The following NYNRIN variants were observed in gnomAD, a reference collection of about 807,000 sequenced individuals.
NYNRIN encodes the protein NYN domain and retroviral integrase containing.
Under a neutral mutation model 146.6 loss-of-function variants are expected in NYNRIN, and 86 were observed. The ratio of observed to expected loss-of-function variants is 0.59; its 90% CI spans 0.49 to 0.70. NYNRIN has a LOEUF of 0.70. Ranked by LOEUF, NYNRIN falls within the 30% of genes least tolerant of loss-of-function variation. The pLI, the probability that NYNRIN is intolerant of heterozygous loss-of-function variation, is 0.00. For missense variants in NYNRIN, 2,191 were observed against 2,377.7 expected, an observed-to-expected ratio of 0.92 and a Z score of 1.63; for synonymous variants, 1,027 against 1,001.3, an observed-to-expected ratio of 1.03 and a Z score of -0.48.
In NYNRIN at chr14:24,415,290, G is replaced by C; in HGVS notation, c.3541G>C (p.Gly1181Arg). The change falls in exon 9 of 9, where the codon GGG (glycine) becomes CGG (arginine). Residue 1181 changes from glycine (G) to arginine (R), a missense_variant. Gly to Arg is a moderately radical substitution (Grantham distance 125). This residue lies in a region of NYNRIN where 1,291 missense variants were observed against 1,417.0 expected (regional missense o/e 0.91). Transcript: ENST00000382554. ...LTAILHQEHS[G>R]RKHPIAYTSK... ...GGCCATCCTCCATCAGGAGCACTCAGGGAGGAAGCACCCCATAGCCTATAC... is the reference window on the plus strand; with the variant it reads ...GGCCATCCTCCATCAGGAGCACTCACGGAGGAAGCACCCCATAGCCTATAC... The C allele has an allele frequency of 6.2e-7, 1 of 1,613,934 alleles. No homozygotes were observed. Among genetic ancestry groups the C allele is most frequent in the Non-Finnish European group, 8.5e-7 (1 of 1,179,860 alleles).
At position 24,409,614 on chromosome 14, in the gene NYNRIN, T is replaced by A; in HGVS notation, c.1820T>A (p.Val607Asp). The A allele has an allele frequency of 6.2e-7, 1 of 1,608,670 alleles. No individual in the cohort carries two copies. Among genetic ancestry groups the A allele is most frequent in the Non-Finnish European group, 8.5e-7 (1 of 1,177,528 alleles). ...AQLMATAQKT[V>D]VNQPVLVAQV... ...CTGATGGCCACAGCTCAAAAAACAG[T>A]TGTGAATCAACCAGTGTTGGTAGCT... Residue 607 changes from valine to aspartate, a missense_variant, in exon 4 of 9, where the codon GTT (valine) becomes GAT (aspartate). Physicochemically the swap from Val to Asp is radical, Grantham distance 152 (BLOSUM62 -3). Transcript: ENST00000382554.
In NYNRIN at chr14:24,415,908, G is replaced by A. The variant is rs755209903; in HGVS notation, c.4159G>A (p.Glu1387Lys). The A allele has an allele frequency of 6.2e-7, 1 of 1,613,934 alleles. No homozygotes were observed. The highest frequency in any genetic ancestry group is 8.5e-7 in the Non-Finnish European group (1 of 1,179,886). The part of the protein sequence containing the change: ...HCNWIFSLLW[E>K]LLPLWRARGF... ...CAACTGGATCTTCAGCCTCCTGTGG[G>A]AGCTCCTGCCCCTCTGGAGGGCTCG... The change falls in exon 9 of 9, where the codon GAG becomes AAG. Residue 1387 changes from glutamate to lysine, a missense_variant. Coordinates refer to ENST00000382554, the MANE Select transcript of NYNRIN (RefSeq NM_025081.3).
In NYNRIN at chr14:24,409,502, C is replaced by T; in HGVS notation, c.1708C>T (p.Leu570=). 6.2e-7 allele frequency: 1 copy of T among 1,613,718 alleles called. No homozygotes were observed. Among genetic ancestry groups the T allele is most frequent in the African/African-American group, 1.3e-5 (1 of 75,064 alleles). ...RTQVPSAAPK[L]PTSRMMLAVH... Reference sequence around the variant, plus strand: ...TCAAGTGCCATCTGCAGCTCCCAAACTGCCTACATCTCGAATGATGCTGGC... The same window carrying T: ...TCAAGTGCCATCTGCAGCTCCCAAATTGCCTACATCTCGAATGATGCTGGC... Residue 570 remains leucine, a synonymous_variant, in exon 4 of 9, where the codon CTG becomes TTG. Transcript: ENST00000382554.
intron 8 of NYNRIN, among the ~76,000 whole-genome samples, chr14:24,414,132 C>A (rs1039772294): frequency 6.6e-6 from 1 of 152,206 alleles, no homozygotes; most frequent in Non-Finnish European, 1.5e-5. Flanking sequence ...GCTCTGCTTC[C>A]TGGGGCCAGA....
intron 8 of NYNRIN, 23 bp from the exon 9 acceptor site, chr14:24,414,573 C>T (rs760938914): frequency 1.3e-5 from 20 of 1,583,386 alleles, no homozygotes; most frequent in Non-Finnish European, 1.6e-5. Context: ...CTGCCCTTCC[C>T]TCTTCCATCT....
chr14:24,412,008 T>A (rs2042915608), intron 6 of NYNRIN, among the ~76,000 whole-genome samples: 1 of 152,146 alleles, frequency 6.6e-6, no homozygotes, highest in Admixed American at 6.5e-5. Context: ...CTGCCTCTCT[T>A]AGGGCAGGGA....
chr14:24,416,405 C>T lies in NYNRIN; in HGVS notation c.4656C>T (p.Pro1552=), dbSNP rs766417161. ...TGATTTTCTCTGTGCATGACATTCC[C>T]TTGGGGGCCCACCAGAGGCCCGAAG... The part of the protein sequence containing the change: ...RDLIFSVHDI[P]LGAHQRPEET... The change falls in exon 9 of 9, where the codon CCC becomes CCT. Residue 1552 remains proline, a synonymous_variant. Transcript: ENST00000382554. 1 of 1,612,776 alleles carries T rather than the reference C, an allele frequency of 6.2e-7. No individual in the cohort carries two copies. Among genetic ancestry groups the T allele is most frequent in the African/African-American group, 1.3e-5 (1 of 74,906 alleles).
chr14:24,415,177 G>C lies in NYNRIN; in HGVS notation c.3428G>C (p.Arg1143Pro). ...EHEEAFLALK[R>P]ALVSALCLMA... is the part of the protein sequence containing the mutation. ...GAGGAGGCCTTCCTGGCCCTGAAGC[G>C]AGCCCTGGTGTCTGCCCTCTGCCTG... The change falls in exon 9 of 9, where the codon CGA becomes CCA. Residue 1143 changes from arginine to proline, a missense_variant. Physicochemically the swap from Arg to Pro is moderately radical, Grantham distance 103 (BLOSUM62 -2). Around this residue, in one of 3 missense-constraint regions of NYNRIN, gnomAD observed 1,291 missense variants for 1,417.0 expected, o/e 0.91. Coordinates refer to ENST00000382554, the MANE Select transcript of NYNRIN (RefSeq NM_025081.3). The C allele has an allele frequency of 6.2e-7, 1 of 1,608,118 alleles. No homozygotes were observed. Among genetic ancestry groups the C allele is most frequent in the Non-Finnish European group, 8.5e-7 (1 of 1,179,368 alleles).
In NYNRIN at chr14:24,417,303, A is replaced by G; in HGVS notation, c.5554A>G (p.Ile1852Val). 6.2e-7 allele frequency: 1 copy of G among 1,613,616 alleles called. No homozygotes were observed. The highest frequency in any genetic ancestry group is 1.3e-5 in the African/African-American group (1 of 75,054). Residue 1852 changes from isoleucine to valine, a missense_variant, in exon 9 of 9, where the codon ATC (isoleucine) becomes GTC (valine). Ile to Val is a conservative substitution (Grantham distance 29). Transcript: ENST00000382554. Reference protein sequence around the residue: ...SSAKWVGPFYIGDRLSLSLYR... With the variant: ...SSAKWVGPFYVGDRLSLSLYR... ...TGCCAAATGGGTGGGTCCCTTCTAT[A>G]TCGGGGACCGGCTGAGCCTGTCACT...
chr14:24,415,667 G>T lies in NYNRIN; in HGVS notation c.3918G>T (p.Thr1306=). 1 of 1,614,008 alleles carries T rather than the reference G, an allele frequency of 6.2e-7. No homozygotes were observed. The stretch of plus-strand genomic sequence containing the variant: ...TGCCGCCTTTCTCTGACCTGTCCAC[G>T]TTCGTCTGCATCCACATGTCGGGCT... ...QVLPPFSDLS[T]FVCIHMSGYC... Residue 1306 remains threonine, a synonymous_variant, in exon 9 of 9, where the codon ACG becomes ACT. Coordinates refer to ENST00000382554, the MANE Select transcript of NYNRIN (RefSeq NM_025081.3).
intron 2 of NYNRIN, among the ~76,000 whole-genome samples, chr14:24,404,994 CTGTGTGTGTG>C (rs747195772): frequency 1.4e-4 from 12 of 83,098 alleles, no homozygotes; most frequent in African/African-American, 4.4e-4. Flanking sequence ...CTTGCCAAGC[CTGTGTGTGTG>C]TGTGTGTGTG....
chr14:24,417,311 C>T lies in NYNRIN; in HGVS notation c.5562C>T (p.Asp1854=), dbSNP rs772566322. Residue 1854 remains aspartate (D), a synonymous_variant, in exon 9 of 9, where the codon GAC becomes GAT. Coordinates refer to ENST00000382554, the MANE Select transcript of NYNRIN (RefSeq NM_025081.3). Reference sequence around the variant, plus strand: ...GGGTGGGTCCCTTCTATATCGGGGACCGGCTGAGCCTGTCACTCTATAGGA... The same window carrying T: ...GGGTGGGTCCCTTCTATATCGGGGATCGGCTGAGCCTGTCACTCTATAGGA... ...AKWVGPFYIG[D]RLSLSLYRIW... 6.2e-7 allele frequency: 1 copy of T among 1,612,966 alleles called. No individual in the cohort carries two copies. The highest frequency in any genetic ancestry group is 1.1e-5 in the South Asian group (1 of 90,884).
In NYNRIN at chr14:24,399,084, G is replaced by A. The variant is rs897344054; in HGVS notation, c.-20G>A. The A allele has an allele frequency of 6.4e-6, 4 of 625,186 alleles. No homozygotes were observed. Among genetic ancestry groups the A allele is most frequent in the Non-Finnish European group, 1.1e-5 (4 of 379,002 alleles). The allele number at this position is 625,186 out of a possible 1,614,324, so 38.7% of individuals were successfully genotyped here. On this transcript the variant is annotated splice_region_variant and 5_prime_UTR_variant, in exon 1 of 9. Coordinates refer to ENST00000382554, the MANE Select transcript of NYNRIN (RefSeq NM_025081.3). ...CAGAGGGCGGGCGCCCGAGCCGTGCGGGGTGGGTCCCGCCGCCTGGAGGAA... is the reference window on the plus strand; with the variant it reads ...CAGAGGGCGGGCGCCCGAGCCGTGCAGGGTGGGTCCCGCCGCCTGGAGGAA...
At chr14:24,404,899 A>C (rs2042866855) in intron 2 of NYNRIN, among the ~76,000 whole-genome samples, 1 of 151,916 alleles carries the variant, frequency 6.6e-6, no homozygotes, top group Non-Finnish European at 1.5e-5. Flanking sequence ...TGGTGCTCAC[A>C]CCTTCGATTA....
At position 24,417,998 on chromosome 14, in the gene NYNRIN, T is replaced by A. The variant is rs1173420927; in HGVS notation, c.*552T>A. On this transcript the variant is annotated 3_prime_UTR_variant, in exon 9 of 9. Coordinates refer to ENST00000382554, the MANE Select transcript of NYNRIN (RefSeq NM_025081.3). Reference sequence around the variant, plus strand: ...AGGCCGCTGCCTCCTAGCCTCACGGTCAGCTTTCTCAAGCCAGGTGTGGCC... The same window carrying A: ...AGGCCGCTGCCTCCTAGCCTCACGGACAGCTTTCTCAAGCCAGGTGTGGCC... 1 of 285,882 alleles carries A rather than the reference T, an allele frequency of 3.5e-6. No homozygotes were observed. Among genetic ancestry groups the A allele is most frequent in the Admixed American group, 5.0e-5 (1 of 19,850 alleles). The allele number at this position is 285,882 out of a possible 1,614,324, so 17.7% of individuals were successfully genotyped here.
In NYNRIN at chr14:24,417,580, C is replaced by G; in HGVS notation, c.*134C>G. 2 of 1,268,378 alleles carry G rather than the reference C, an allele frequency of 1.6e-6. No homozygotes were observed. The highest frequency in any genetic ancestry group is 2.1e-6 in the Non-Finnish European group (2 of 972,860). 78.6% of individuals were successfully genotyped at this position (1,268,378 alleles called of 1,614,324 possible). On this transcript the variant is annotated 3_prime_UTR_variant, in exon 9 of 9. Coordinates refer to ENST00000382554, the MANE Select transcript of NYNRIN (RefSeq NM_025081.3). The stretch of plus-strand genomic sequence containing the variant: ...TTTGTAGAGAACTTGCTTCATAAAG[C>G]TTTGCTGAATTGCCTTGAACTAGGG...
chr14:24,413,211 C>A, intron 7 of NYNRIN, 105 bp from the exon 8 acceptor site: 1 of 1,344,282 alleles, frequency 7.4e-7, no homozygotes, highest in Non-Finnish European at 1.0e-6. Context: ...CCCACCAGCA[C>A]CTGCCAGGAT....
At position 24,415,969 on chromosome 14, in the gene NYNRIN, AC is replaced by A; in HGVS notation, c.4223del (p.Pro1408GlnfsTer32). On this transcript the variant is annotated frameshift_variant, in exon 9 of 9. Coordinates refer to ENST00000382554, the MANE Select transcript of NYNRIN (RefSeq NM_025081.3). LOFTEE classifies it high-confidence loss of function. ...TCCTCTGATGGGGCTCCACTCCCTC[AC>A]CCAAGCCTGCTCTCCTACATTATAT... ...FLSSDGAPLP[H>X]PSLLSYIISL... is the part of the protein sequence containing the mutation. 1 of 1,613,792 alleles carries A rather than the reference AC, an allele frequency of 6.2e-7. No individual in the cohort carries two copies. The highest frequency in any genetic ancestry group is 8.5e-7 in the Non-Finnish European group (1 of 1,179,862).
rs1594735656 is a variant in NYNRIN, at chr14:24,399,328, C to G, written c.82C>G (p.Arg28Gly). The change falls in exon 2 of 9, where the codon CGG becomes GGG. Residue 28 changes from arginine (R) to glycine (G), a missense_variant. By Grantham distance (125) the Arg-to-Gly change is moderately radical. This residue lies in a region of NYNRIN where 895 missense variants were observed against 941.2 expected (regional missense o/e 0.95). Coordinates refer to ENST00000382554, the MANE Select transcript of NYNRIN (RefSeq NM_025081.3). ...ATCGAAGCCTCGGGTGCAGCGGCAGCGGCTGCAAGTGCAGCGCATCTTTAG... is the reference window on the plus strand; with the variant it reads ...ATCGAAGCCTCGGGTGCAGCGGCAGGGGCTGCAAGTGCAGCGCATCTTTAG... ...TKSKPRVQRQ[R>G]LQVQRIFRVK... is the part of the protein sequence containing the mutation. The G allele has an allele frequency of 6.2e-7, 1 of 1,613,748 alleles. No homozygotes were observed. The highest frequency in any genetic ancestry group is 8.5e-7 in the Non-Finnish European group (1 of 1,179,828).
Sources: allele counts gnomAD v4.1 joint callset (sites outside exome capture counted in the v4.1 genomes callset), GRCh38; gene constraint gnomAD v4.1.1; regional missense constraint gnomAD v4.1.1; transcripts MANE v1.5; gene names NCBI Gene and HGNC (gene_info 2026-07-23, HGNC 2026-07-21).